Variants in SMAP1 observed in about 807,000 individuals in gnomAD.
SMAP1 encodes the protein stromal membrane-associated protein 1.
SMAP1 carries 24 observed loss-of-function variants against 58.5 expected under a neutral mutation model. The ratio of observed to expected loss-of-function variants is 0.41; its 90% CI spans 0.30 to 0.58. The LOEUF is 0.58. Among genes scored for constraint, SMAP1 ranks in the 20% least tolerant of loss-of-function variants. SMAP1 has a pLI of 0.29. For missense variants in SMAP1, 563 were observed against 566.3 expected, an observed-to-expected ratio of 0.99 and a Z score of 0.06; for synonymous variants, 216 against 196.6, an observed-to-expected ratio of 1.10 and a Z score of -0.82.
chr6:70,773,938 C>T (rs1000977539), intron 4 of SMAP1, among the ~76,000 whole-genome samples: 4 of 152,164 alleles, frequency 2.6e-5, no homozygotes, highest in Non-Finnish European at 5.9e-5. Context: ...AACAAGGTTT[C>T]AGTCAATGAC....
chr6:70,822,628 T>G (rs1243089683), intron 6 of SMAP1, among the ~76,000 whole-genome samples: 3 of 152,152 alleles, frequency 2.0e-5, no homozygotes, highest in Non-Finnish European at 4.4e-5. Context: ...TTGGGTATAA[T>G]TTTTTGGCCT....
At chr6:70,730,282 C>G (rs1311074208) in intron 1 of SMAP1, among the ~76,000 whole-genome samples, 1 of 142,868 alleles carries the variant, frequency 7.0e-6, no homozygotes, top group Non-Finnish European at 1.5e-5. Context: ...TCTCAAAACT[C>G]CTGGCCTCAA....
At chr6:70,843,169 T>A (rs758747655) in intron 7 of SMAP1, among the ~76,000 whole-genome samples, 1 of 145,464 alleles carries the variant, frequency 6.9e-6, no homozygotes, top group Admixed American at 6.8e-5. Flanking sequence ...CCCCCCTTTT[T>A]AAAATTAACT....
intron 10 of SMAP1, 80 bp from the exon 11 acceptor site, chr6:70,860,120 A>G: frequency 6.8e-7 from 1 of 1,464,872 alleles, no homozygotes. Context: ...TAATGAAAAA[A>G]TGACCAACTG....
chr6:70,668,247 C>T lies in SMAP1; in HGVS notation c.118+106C>T, dbSNP rs975848643. On this transcript the variant is annotated intron_variant, in intron 1 of 10. Transcript: ENST00000370455. The stretch of plus-strand genomic sequence containing the variant: ...GAGCGGACGCCTCGGCTTCGCTGGC[C>T]GGCTCCTGCCCTGACTGGAGGGCGG... 1.0e-5 allele frequency: 11 copies of T among 1,078,820 alleles called. No individual in the cohort carries two copies. The African/African-American group carries it at 1.2e-4, about 11-fold the overall frequency. The allele number at this position is 1,078,820 out of a possible 1,614,324, so 66.8% of individuals were successfully genotyped here.
At chr6:70,688,062 A>G (rs1201753427) in intron 1 of SMAP1, among the ~76,000 whole-genome samples, 1 of 151,922 alleles carries the variant, frequency 6.6e-6, no homozygotes, top group Non-Finnish European at 1.5e-5. Context: ...ATCATGCAAT[A>G]TGTAACCTTC....
chr6:70,673,496 G>C (rs1268525132), intron 1 of SMAP1, among the ~76,000 whole-genome samples: 1 of 152,082 alleles, frequency 6.6e-6, no homozygotes, highest in African/African-American at 2.4e-5. Flanking sequence ...CCATTTGATT[G>C]CAAGAGCCAA....
At chr6:70,778,855 C>G (rs906983141) in intron 4 of SMAP1, among the ~76,000 whole-genome samples, 6 of 152,202 alleles carry the variant, frequency 3.9e-5, no homozygotes, top group African/African-American at 1.4e-4. Flanking sequence ...TAACCAAGCC[C>G]TTCCTTGGGT....
intron 3 of SMAP1, among the ~76,000 whole-genome samples, chr6:70,768,111 A>G (rs960262191): frequency 2.0e-5 from 3 of 152,172 alleles, no homozygotes; most frequent in African/African-American, 7.2e-5. Flanking sequence ...CCACTTGATC[A>G]TGGTGGTTAA....
chr6:70,811,975 C>G (rs978632488), intron 6 of SMAP1, among the ~76,000 whole-genome samples: 1 of 152,114 alleles, frequency 6.6e-6, no homozygotes, highest in Non-Finnish European at 1.5e-5. Context: ...GCGTATAAAG[C>G]GTGGATGTGC....
In SMAP1 at chr6:70,813,164, G is replaced by A. The variant is rs116992590; in HGVS notation, c.576+14427G>A. On this transcript the variant is annotated intron_variant, in intron 6 of 10. Transcript: ENST00000370455. ...CCCCCAATTTAATGTTGTATTATAA[G>A]CATTTATTTTACCTTTAATGGTAAT... is the stretch of plus-strand genomic sequence containing the variant. Among the ~76,000 whole-genome samples the A allele has an allele frequency of 3.8e-3, 576 of 151,900 alleles. 1 individual carries two copies. The highest frequency in any genetic ancestry group is 4.2e-3 in the Non-Finnish European group (286 of 67,912).
At chr6:70,700,183 A>G (rs908449599) in intron 1 of SMAP1, among the ~76,000 whole-genome samples, 1 of 152,186 alleles carries the variant, frequency 6.6e-6, no homozygotes, top group African/African-American at 2.4e-5. Context: ...TTCTCTCGCC[A>G]TATGGCCTGC....
At chr6:70,846,819 A>T (rs985425194) in intron 7 of SMAP1, among the ~76,000 whole-genome samples, 20 of 152,294 alleles carry the variant, frequency 1.3e-4, no homozygotes, top group East Asian at 1.9e-4. Context: ...TGAGAACACC[A>T]GGAAACATTT....
chr6:70,810,237 A>C (rs1329097099), intron 6 of SMAP1, among the ~76,000 whole-genome samples: 1 of 152,112 alleles, frequency 6.6e-6, no homozygotes, highest in African/African-American at 2.4e-5. Context: ...TCCTGAGCTC[A>C]AAGGATCCTT....
chr6:70,819,404 C>T (rs1215295820), intron 6 of SMAP1, among the ~76,000 whole-genome samples: 1 of 150,858 alleles, frequency 6.6e-6, no homozygotes, highest in African/African-American at 2.4e-5. Context: ...TAAATATTTA[C>T]AAGATGGATA....
chr6:70,787,549 A>G (rs1367107875), intron 4 of SMAP1, among the ~76,000 whole-genome samples: 1 of 152,204 alleles, frequency 6.6e-6, no homozygotes, highest in Non-Finnish European at 1.5e-5. Context: ...CAATCTACTC[A>G]TCTGACAAAG....
At chr6:70,668,691 G>A in intron 1 of SMAP1, 1 of 1,536,066 alleles carries the variant, frequency 6.5e-7, no homozygotes, top group Non-Finnish European at 8.7e-7. Flanking sequence ...TCTGCTTCCT[G>A]AAAAAGAGTA....
chr6:70,837,069 A>G, intron 7 of SMAP1, 41 bp downstream of exon 7: 1 of 1,418,438 alleles, frequency 7.1e-7, no homozygotes, highest in Non-Finnish European at 9.5e-7. Context: ...GAGTTACAAA[A>G]CAATTGAAAC....
intron 2 of SMAP1, among the ~76,000 whole-genome samples, chr6:70,748,905 T>C (rs1014897664): frequency 3.9e-4 from 60 of 152,166 alleles, no homozygotes; most frequent in Admixed American, 1.1e-3. Context: ...CACAGACTTA[T>C]AGTTGGCATA....
Sources: allele counts gnomAD v4.1 joint callset (sites outside exome capture counted in the v4.1 genomes callset), GRCh38; gene constraint gnomAD v4.1.1; transcripts MANE v1.5; gene names NCBI Gene and HGNC (gene_info 2026-07-23, HGNC 2026-07-21).